Variants in DGKI observed in about 807,000 individuals in gnomAD.
DGKI encodes the protein DAG kinase iota.
DGKI carries 55 observed loss-of-function variants against 147.5 expected under a neutral mutation model. That is an observed-to-expected ratio of 0.37 (90% confidence interval 0.30 to 0.47). The LOEUF (loss-of-function observed/expected upper bound fraction) is 0.47, where lower values mean the gene tolerates loss of function less well. DGKI is among the 20% of genes least tolerant of loss of function. The pLI is 1.00. For synonymous variants in DGKI, 469 were observed against 477.1 expected, an observed-to-expected ratio of 0.98 and a Z score of 0.22; for missense variants, 1,007 against 1,323.8, an observed-to-expected ratio of 0.76 and a Z score of 3.71.
chr7:137,548,100 GA>G (rs1817923836), intron 20 of DGKI, among the ~76,000 whole-genome samples: 1 of 152,176 alleles, frequency 6.6e-6, no homozygotes, highest in East Asian at 1.9e-4. Flanking sequence ...GGGTATATCA[GA>G]AGAGACAGAT....
At chr7:137,598,436 A>C (rs1819874513) in intron 11 of DGKI, among the ~76,000 whole-genome samples, 1 of 152,226 alleles carries the variant, frequency 6.6e-6, no homozygotes, top group African/African-American at 2.4e-5. Context: ...ATGTGAACAC[A>C]GGTATCACAT....
At chr7:137,589,113 T>C (rs1180200873) in intron 12 of DGKI, among the ~76,000 whole-genome samples, 1 of 152,216 alleles carries the variant, frequency 6.6e-6, no homozygotes, top group South Asian at 2.1e-4. Context: ...CCTGTGGAGA[T>C]GAAGAAACCT....
intron 10 of DGKI, among the ~76,000 whole-genome samples, chr7:137,600,720 A>C (rs1819960057): frequency 6.6e-6 from 1 of 152,222 alleles, no homozygotes; most frequent in African/African-American, 2.4e-5. Context: ...TTATAGAAAT[A>C]GTTTTTTCTA....
At chr7:137,690,953 G>T (rs1563152314) in intron 1 of DGKI, among the ~76,000 whole-genome samples, 1 of 152,168 alleles carries the variant, frequency 6.6e-6, no homozygotes, top group Non-Finnish European at 1.5e-5. Flanking sequence ...TCTCACAAGG[G>T]TCTAGAGCTT....
intron 1 of DGKI, among the ~76,000 whole-genome samples, chr7:137,840,180 G>A (rs1177537941): frequency 6.6e-6 from 1 of 152,210 alleles, no homozygotes; most frequent in African/African-American, 2.4e-5. Context: ...ATAAAAAGTA[G>A]CTGGTGCTTT....
At chr7:137,738,287 T>A (rs1217585821) in intron 1 of DGKI, among the ~76,000 whole-genome samples, 1 of 152,110 alleles carries the variant, frequency 6.6e-6, no homozygotes, top group Non-Finnish European at 1.5e-5. Flanking sequence ...TGCTGTGCTA[T>A]ACTGACTCCA....
chr7:137,411,593 C>T (rs959759057), intron 29 of DGKI, among the ~76,000 whole-genome samples: 2 of 152,088 alleles, frequency 1.3e-5, no homozygotes, highest in Admixed American at 6.5e-5. Context: ...ATGGTAGAGC[C>T]GAGATCCAAA....
intron 31 of DGKI, 29 bp downstream of exon 31, chr7:137,397,348 T>G: frequency 6.2e-7 from 1 of 1,606,468 alleles, no homozygotes; most frequent in Non-Finnish European, 8.5e-7. Flanking sequence ...GAAAATAACC[T>G]AGACTATGTA....
At chr7:137,597,149 G>A (rs1231802682) in intron 12 of DGKI, among the ~76,000 whole-genome samples, 1 of 152,038 alleles carries the variant, frequency 6.6e-6, no homozygotes, top group Non-Finnish European at 1.5e-5. Flanking sequence ...CATACAGTCA[G>A]AAGGAATAAG....
At chr7:137,835,683 G>A (rs1346111894) in intron 1 of DGKI, among the ~76,000 whole-genome samples, 1 of 152,054 alleles carries the variant, frequency 6.6e-6, no homozygotes, top group Admixed American at 6.5e-5. Flanking sequence ...ATGGCAATGA[G>A]GTCATCCTCA....
chr7:137,571,775 A>G (rs1818801078), intron 18 of DGKI, among the ~76,000 whole-genome samples: 1 of 152,200 alleles, frequency 6.6e-6, no homozygotes, highest in African/African-American at 2.4e-5. Context: ...ATAAGAGATT[A>G]GAAAGAGAAT....
chr7:137,490,117 A>G (rs931106710), intron 21 of DGKI, among the ~76,000 whole-genome samples: 1 of 152,218 alleles, frequency 6.6e-6, no homozygotes, highest in African/African-American at 2.4e-5. Flanking sequence ...AAAAGAAAGA[A>G]AAAAGGGCAT....
chr7:137,822,201 G>A (rs1444153248), intron 1 of DGKI, among the ~76,000 whole-genome samples: 1 of 152,200 alleles, frequency 6.6e-6, no homozygotes, highest in Non-Finnish European at 1.5e-5. Flanking sequence ...GAGGTCAGGA[G>A]TTCGAGACCA....
chr7:137,810,019 C>T (rs902499646), intron 1 of DGKI, among the ~76,000 whole-genome samples: 6 of 152,200 alleles, frequency 3.9e-5, no homozygotes, highest in African/African-American at 1.4e-4. Context: ...TCTGCTTTCA[C>T]AGCCAAGAGC....
chr7:137,508,219 C>CTT (rs1171968411), intron 21 of DGKI, among the ~76,000 whole-genome samples: 1,548 of 92,560 alleles, frequency 0.017, 129 homozygotes, highest in African/African-American at 0.029. Flanking sequence ...AGACAGGTTT[C>CTT]TTTTTTTTTT....
intron 1 of DGKI, among the ~76,000 whole-genome samples, chr7:137,787,886 A>C (rs1273695530): frequency 6.6e-6 from 1 of 152,066 alleles, no homozygotes; most frequent in East Asian, 1.9e-4. Flanking sequence ...CTGGGAACTC[A>C]GGGGAAACTG....
chr7:137,845,076 T>A (rs943079667), intron 1 of DGKI, among the ~76,000 whole-genome samples: 5 of 152,182 alleles, frequency 3.3e-5, no homozygotes, highest in African/African-American at 1.2e-4. Context: ...AAAGATCCAT[T>A]TGGACCTGAT....
At chr7:137,723,358 T>C (rs1794622443) in intron 1 of DGKI, among the ~76,000 whole-genome samples, 1 of 152,222 alleles carries the variant, frequency 6.6e-6, no homozygotes, top group South Asian at 2.1e-4. Context: ...TGCTAGACAC[T>C]TGTGAGAACT....
chr7:137,638,521 T>C (rs1321214691), intron 6 of DGKI, among the ~76,000 whole-genome samples: 2 of 120,606 alleles, frequency 1.7e-5, no homozygotes, highest in Non-Finnish European at 3.4e-5. Flanking sequence ...TGTGTGTATA[T>C]ATATACACAC....
Sources: gnomAD v4.1 joint callset for allele counts (sites outside exome capture counted in the v4.1 genomes callset) on GRCh38, gnomAD v4.1.1 for gene constraint, MANE v1.5 for transcripts, NCBI Gene and HGNC (gene_info 2026-07-23, HGNC 2026-07-21) for gene names.